Variants in CADM2 observed in about 807,000 individuals in gnomAD.
The protein encoded by CADM2 is immunoglobulin superfamily member 4D.
Under a neutral mutation model 49.8 loss-of-function variants are expected in CADM2, and 12 were observed. The observed-to-expected ratio is 0.24, with a 90% confidence interval of 0.15 to 0.39. The LOEUF (loss-of-function observed/expected upper bound fraction) is 0.39. CADM2 is among the 10% of genes least tolerant of loss of function. The probability of loss-of-function intolerance (pLI) is 1.00; values close to 1 mark genes in which losing one functional copy is unlikely to be tolerated. For missense variants in CADM2, 378 were observed against 492.3 expected (o/e 0.77, Z 2.20); for synonymous variants, 214 against 175.4 (o/e 1.22, Z -1.74).
intron 1 of CADM2, among the ~76,000 whole-genome samples, chr3:85,167,791 TAAAAAGTA>T (rs2040510637): frequency 6.6e-6 from 1 of 152,082 alleles, no homozygotes; most frequent in Non-Finnish European, 1.5e-5. Flanking sequence ...ATGCAAAAAG[TAAAAAGTA>T]AATCAGAGAG....
intron 1 of CADM2, among the ~76,000 whole-genome samples, chr3:85,460,042 A>G (rs2038169767): frequency 6.6e-6 from 1 of 152,204 alleles, no homozygotes; most frequent in Admixed American, 6.5e-5. Flanking sequence ...AGATACTGTA[A>G]AAAATGTTTT....
At chr3:86,014,990 T>C in intron 8 of CADM2, 1 of 1,160,942 alleles carries the variant, frequency 8.6e-7, no homozygotes. Flanking sequence ...AAAGTTCGAG[T>C]AACTTGGCTT....
intron 8 of CADM2, among the ~76,000 whole-genome samples, chr3:86,045,089 G>A (rs1217344957): frequency 1.3e-5 from 2 of 151,630 alleles, no homozygotes; most frequent in Non-Finnish European, 2.9e-5. Context: ...GATAGCATTA[G>A]GAGATATACC....
intron 1 of CADM2, among the ~76,000 whole-genome samples, chr3:85,710,736 A>T (rs2067093041): frequency 6.6e-6 from 1 of 152,200 alleles, no homozygotes; most frequent in South Asian, 2.1e-4. Context: ...ATGCTGAATT[A>T]TAATTTACTC....
At chr3:85,830,858 GC>G (rs2074151719) in intron 3 of CADM2, among the ~76,000 whole-genome samples, 1 of 138,678 alleles carries the variant, frequency 7.2e-6, no homozygotes, top group Admixed American at 7.7e-5. Flanking sequence ...TCTATTACAG[GC>G]CCAGGGGGTA....
intron 1 of CADM2, among the ~76,000 whole-genome samples, chr3:85,380,293 G>T (rs531260216): frequency 3.3e-4 from 50 of 151,986 alleles, no homozygotes; most frequent in African/African-American, 1.2e-3. Context: ...CATACTAAAG[G>T]TAATCATAAG....
intron 1 of CADM2, among the ~76,000 whole-genome samples, chr3:85,408,324 A>C (rs2035496242): frequency 6.6e-6 from 1 of 152,212 alleles, no homozygotes; most frequent in East Asian, 1.9e-4. Flanking sequence ...CAATTTGATG[A>C]ATAGTAAATG....
intron 1 of CADM2, among the ~76,000 whole-genome samples, chr3:85,555,451 A>G (rs2061934902): frequency 6.6e-6 from 1 of 152,174 alleles, no homozygotes; most frequent in Non-Finnish European, 1.5e-5. Context: ...AGCTGGGTAT[A>G]TAATAGTATT....
chr3:85,204,124 A>G (rs908953175), intron 1 of CADM2, among the ~76,000 whole-genome samples: 2 of 152,186 alleles, frequency 1.3e-5, no homozygotes, highest in Non-Finnish European at 2.9e-5. Flanking sequence ...AACAATTTAA[A>G]TAATCCCTCA....
At chr3:85,198,799 A>G (rs2041411601) in intron 1 of CADM2, among the ~76,000 whole-genome samples, 2 of 151,816 alleles carry the variant, frequency 1.3e-5, no homozygotes, top group African/African-American at 4.8e-5. Flanking sequence ...TTATGTCTCC[A>G]GTTTTTTTAT....
At chr3:85,023,971 A>C (rs956089594) in intron 1 of CADM2, among the ~76,000 whole-genome samples, 1 of 152,060 alleles carries the variant, frequency 6.6e-6, no homozygotes, top group African/African-American at 2.4e-5. Flanking sequence ...CATTTCCAGA[A>C]GTTTTCATAT....
At chr3:86,017,581 T>A (rs1198026512) in intron 8 of CADM2, among the ~76,000 whole-genome samples, 3 of 151,918 alleles carry the variant, frequency 2.0e-5, no homozygotes, top group East Asian at 3.9e-4. Context: ...CTGCAAAAAT[T>A]AGCCGGGCAC....
At chr3:84,979,077 A>G (rs996035024) in intron 1 of CADM2, among the ~76,000 whole-genome samples, 2 of 152,150 alleles carry the variant, frequency 1.3e-5, no homozygotes, top group Admixed American at 6.6e-5. Context: ...ATCATCTCCA[A>G]GGTCCCTTTT....
chr3:85,479,102 C>G (rs751423420), intron 1 of CADM2, among the ~76,000 whole-genome samples: 84 of 151,746 alleles, frequency 5.5e-4, no homozygotes, highest in Non-Finnish European at 6.3e-4. Context: ...CAACATCATG[C>G]CTGGCTAAAT....
intron 1 of CADM2, among the ~76,000 whole-genome samples, chr3:85,496,854 C>A (rs1260271790): frequency 1.3e-5 from 2 of 151,792 alleles, no homozygotes; most frequent in African/African-American, 2.4e-5. Flanking sequence ...TATTTATTTT[C>A]TAATTTTTTA....
chr3:85,000,742 T>G (rs2033423079), intron 1 of CADM2, among the ~76,000 whole-genome samples: 1 of 151,402 alleles, frequency 6.6e-6, no homozygotes, highest in Admixed American at 6.6e-5. Flanking sequence ...CACACATACA[T>G]TTTTGTATGT....
intron 1 of CADM2, among the ~76,000 whole-genome samples, chr3:85,185,923 C>A (rs2041049922): frequency 6.6e-6 from 1 of 152,012 alleles, no homozygotes; most frequent in Non-Finnish European, 1.5e-5. Context: ...TCTTCAACCG[C>A]AAAAGAAATT....
intron 1 of CADM2, among the ~76,000 whole-genome samples, chr3:85,295,168 C>A (rs1329213060): frequency 2.6e-5 from 4 of 152,132 alleles, no homozygotes; most frequent in Admixed American, 1.3e-4. Context: ...GCCATTTATG[C>A]AGCCAAAAAA....
At chr3:85,351,981 A>G (rs928187123) in intron 1 of CADM2, among the ~76,000 whole-genome samples, 1 of 152,092 alleles carries the variant, frequency 6.6e-6, no homozygotes. Context: ...ATCCATATAT[A>G]TATAATAGTA....
Sources: gnomAD v4.1 joint callset for allele counts (sites outside exome capture counted in the v4.1 genomes callset) on GRCh38, gnomAD v4.1.1 for gene constraint, MANE v1.5 for transcripts, NCBI Gene and HGNC (gene_info 2026-07-23, HGNC 2026-07-21) for gene names.